The following SIGLEC15 variants were observed in gnomAD, a reference collection of about 807,000 sequenced individuals.
The protein encoded by SIGLEC15 is sialic acid-binding Ig-like lectin 15.
SIGLEC15 carries 31 observed loss-of-function variants against 26.2 expected under a neutral mutation model. The ratio of observed to expected loss-of-function variants is 1.18; its 90% CI spans 0.89 to 1.60. The LOEUF (loss-of-function observed/expected upper bound fraction) is 1.60. Among genes scored for constraint, SIGLEC15 ranks in the 40% most tolerant of loss-of-function variants. SIGLEC15 has a pLI of 0.00. For synonymous variants in SIGLEC15, 207 were observed against 221.9 expected (o/e 0.93, Z 0.60); for missense variants, 501 against 488.4 (o/e 1.03, Z -0.24).
In SIGLEC15 at chr18:45,842,256, G is replaced by A. The variant is rs1379882850; in HGVS notation, c.*69G>A. The stretch of plus-strand genomic sequence containing the variant: ...CAAAGGCCAGTGCGAGGCTTGGCTG[G>A]CACAGCCAGTCCTGGTTCTCGGGCA... On this transcript the variant is annotated 3_prime_UTR_variant, in exon 6 of 6. Coordinates refer to ENST00000389474, the MANE Select transcript of SIGLEC15 (RefSeq NM_213602.3). 6.5e-7 allele frequency: 1 copy of A among 1,547,972 alleles called. No homozygotes were observed. The highest frequency in any genetic ancestry group is 8.9e-7 in the Non-Finnish European group (1 of 1,120,668).
chr18:45,840,473 C>T (rs894049351), intron 5 of SIGLEC15, among the ~76,000 whole-genome samples: 1 of 152,216 alleles, frequency 6.6e-6, no homozygotes, highest in African/African-American at 2.4e-5. Flanking sequence ...CGACTCCAGG[C>T]TGTGTTTCTT....
At position 45,838,969 on chromosome 18, in the gene SIGLEC15, G is replaced by C. The variant is rs2048301408; in HGVS notation, c.748G>C (p.Val250Leu). 6.2e-7 allele frequency: 1 copy of C among 1,603,676 alleles called. No individual in the cohort carries two copies. Among genetic ancestry groups the C allele is most frequent in the Non-Finnish European group, 8.5e-7 (1 of 1,178,172 alleles). ...CAGCCTGGGCCGCTCCGAGGCCAGC[G>C]TCTACCTGTTCCGCTTCCATGGCGC... ...ANSLGRSEASVYLFRFHGASG... is the reference protein window; with the variant it reads ...ANSLGRSEASLYLFRFHGASG... The change falls in exon 4 of 6, where the codon GTC becomes CTC. Residue 250 changes from valine (V) to leucine (L), a missense_variant. Physicochemically the swap from Val to Leu is conservative, Grantham distance 32 (BLOSUM62 1). Transcript: ENST00000389474.
At chr18:45,830,789 G>A (rs1187520172) in intron 1 of SIGLEC15, among the ~76,000 whole-genome samples, 1 of 141,250 alleles carries the variant, frequency 7.1e-6, no homozygotes, top group East Asian at 2.1e-4. Flanking sequence ...TAGTAGAGAC[G>A]GGGTTTCACC....
In SIGLEC15 at chr18:45,837,013, CTG is replaced by C; in HGVS notation, c.53-12_53-11del. On this transcript the variant is annotated splice_polypyrimidine_tract_variant and intron_variant, in intron 1 of 5. Coordinates refer to ENST00000389474, the MANE Select transcript of SIGLEC15 (RefSeq NM_213602.3). ...TTATTCACGTGTAACCCGGGGTTAA[CTG>C]TGTTTATCTGTAGGCTCATTTGTGA... 1 of 1,265,266 alleles carries C rather than the reference CTG, an allele frequency of 7.9e-7. No homozygotes were observed. Among genetic ancestry groups the C allele is most frequent in the Non-Finnish European group, 1.2e-6 (1 of 862,238 alleles). 78.4% of individuals were successfully genotyped at this position (1,265,266 alleles called of 1,614,324 possible).
At chr18:45,841,046 C>G (rs1449413438) in intron 5 of SIGLEC15, 1 of 152,280 alleles carries the variant, frequency 6.6e-6, no homozygotes, top group African/African-American at 2.4e-5. Flanking sequence ...CCTGACCTCA[C>G]AGAACTCATA....
At chr18:45,829,063 G>T in intron 1 of SIGLEC15, 1 of 985,316 alleles carries the variant, frequency 1.0e-6, no homozygotes, top group Non-Finnish European at 1.2e-6. Context: ...ATGGAGGCTG[G>T]GCAGGGGGTG....
chr18:45,839,174 C>A (rs1045562929), intron 4 of SIGLEC15, 79 bp downstream of exon 4: 5 of 1,327,976 alleles, frequency 3.8e-6, no homozygotes, highest in Non-Finnish European at 4.8e-6. Context: ...ACCTGGCTGA[C>A]CCCCTGGCAC....
rs2048285981 is a variant in SIGLEC15, at chr18:45,837,584, CTG to C, written c.185_186del (p.Leu62ProfsTer74). On this transcript the variant is annotated frameshift_variant, in exon 3 of 6. Transcript: ENST00000389474. LOFTEE classifies it high-confidence loss of function. ...VSAEAGDAAV[L>X]PCTFTHPHRH... is the part of the protein sequence containing the mutation. ...CGCGGAGGCAGGCGACGCGGCAGTG[CTG>C]CCCTGCACCTTCACGCACCCGCACC... 6.6e-7 allele frequency: 1 copy of C among 1,512,366 alleles called. No individual in the cohort carries two copies. Among genetic ancestry groups the C allele is most frequent in the South Asian group, 1.2e-5 (1 of 81,942 alleles). The allele number at this position is 1,512,366 out of a possible 1,614,324, so 93.7% of individuals were successfully genotyped here.
rs774623581 is a variant in SIGLEC15 at position 45,837,619 on chromosome 18, C to T, written c.219C>T (p.Tyr73=). 4.5e-5 allele frequency: 68 copies of T among 1,508,680 alleles called. 1 individual carries two copies. In the South Asian group the frequency reaches 8.2e-4, roughly 18 times the overall value. The allele number at this position is 1,508,680 out of a possible 1,614,324, so 93.5% of individuals were successfully genotyped here. A position where few individuals can be genotyped will look rare whatever the true frequency, so the allele number is the denominator to read the frequency against. The change falls in exon 3 of 6, where the codon TAC becomes TAT. Residue 73 remains tyrosine (Y), a synonymous_variant. Transcript: ENST00000389474. ...CCTTCACGCACCCGCACCGCCACTACGACGGGCCGCTGACGGCCATCTGGC... is the reference window on the plus strand; with the variant it reads ...CCTTCACGCACCCGCACCGCCACTATGACGGGCCGCTGACGGCCATCTGGC... The part of the protein sequence containing the change: ...PCTFTHPHRH[Y]DGPLTAIWRA...
chr18:45,838,640 C>T, intron 3 of SIGLEC15, 78 bp from the exon 4 acceptor site: 1 of 1,446,240 alleles, frequency 6.9e-7, no homozygotes, highest in Non-Finnish European at 9.1e-7. Flanking sequence ...TGACCAGCCC[C>T]CACCCCTCCG....
rs1486092977 is a variant in SIGLEC15 at position 45,837,828 on chromosome 18, G to T, written c.428G>T (p.Arg143Leu). 6.5e-7 allele frequency: 1 copy of T among 1,535,518 alleles called. No homozygotes were observed. The highest frequency in any genetic ancestry group is 8.7e-7 in the Non-Finnish European group (1 of 1,151,298). Residue 143 changes from arginine (R) to leucine (L), a missense_variant, in exon 3 of 6, where the codon CGC (arginine) becomes CTC (leucine). By Grantham distance (102) the Arg-to-Leu change is moderately radical. Coordinates refer to ENST00000389474, the MANE Select transcript of SIGLEC15 (RefSeq NM_213602.3). ...GCTGACGACCGCCGCTACTTCTGCC[G>T]CGTCGAGTTCGCCGGCGACGTCCAT... is the stretch of plus-strand genomic sequence containing the variant. ...ALADDRRYFCRVEFAGDVHDR... is the reference protein window; with the variant it reads ...ALADDRRYFCLVEFAGDVHDR...
chr18:45,832,824 C>G (rs549729557), intron 1 of SIGLEC15, among the ~76,000 whole-genome samples: 1 of 152,128 alleles, frequency 6.6e-6, no homozygotes, highest in South Asian at 2.1e-4. Flanking sequence ...CCAAAGCAAG[C>G]GCATTTTTTT....
chr18:45,837,208 G>T, intron 2 of SIGLEC15, 120 bp downstream of exon 2: 1 of 1,454,624 alleles, frequency 6.9e-7, no homozygotes, highest in Non-Finnish European at 9.1e-7. Context: ...TAAGAATATG[G>T]GGTCAAGGGG....
chr18:45,831,892 T>C (rs921618519), intron 1 of SIGLEC15, among the ~76,000 whole-genome samples: 1 of 152,152 alleles, frequency 6.6e-6, no homozygotes, highest in African/African-American at 2.4e-5. Flanking sequence ...CGTGCACCAC[T>C]GCGCCCAGCT....
intron 1 of SIGLEC15, among the ~76,000 whole-genome samples, chr18:45,835,907 C>T (rs2048272139): frequency 6.6e-6 from 1 of 152,124 alleles, no homozygotes; most frequent in Non-Finnish European, 1.5e-5. Context: ...ATTTTTCCAC[C>T]AGAAAAGAGA....
intron 1 of SIGLEC15, among the ~76,000 whole-genome samples, chr18:45,828,541 A>C (rs777551563): frequency 6.6e-6 from 1 of 152,194 alleles, no homozygotes; most frequent in Non-Finnish European, 1.5e-5. Context: ...TGATAGGCAG[A>C]TATCACAACC....
chr18:45,832,494 G>GAT (rs200342824), intron 1 of SIGLEC15, among the ~76,000 whole-genome samples: 1,733 of 150,916 alleles, frequency 0.011, 54 homozygotes, highest in African/African-American at 0.04. Flanking sequence ...GCCAGGCACA[G>GAT]ATTGGGTGCT....
At chr18:45,828,873 C>A (rs781766933) in intron 1 of SIGLEC15, among the ~76,000 whole-genome samples, 1 of 152,162 alleles carries the variant, frequency 6.6e-6, no homozygotes, top group Admixed American at 6.5e-5. Context: ...GGTGCTTATT[C>A]GGGACACAGG....
At chr18:45,835,785 C>T (rs931715646) in intron 1 of SIGLEC15, among the ~76,000 whole-genome samples, 8 of 152,140 alleles carry the variant, frequency 5.3e-5, no homozygotes, top group Non-Finnish European at 8.8e-5. Flanking sequence ...GTGGGACTCA[C>T]GGCACTGCAG....
Sources: gnomAD v4.1 joint callset for allele counts (sites outside exome capture counted in the v4.1 genomes callset) on GRCh38, gnomAD v4.1.1 for gene constraint, MANE v1.5 for transcripts, NCBI Gene and HGNC (gene_info 2026-07-23, HGNC 2026-07-21) for gene names.